The following MICAL2 variants were observed in gnomAD, a reference collection of about 807,000 sequenced individuals.
MICAL2 encodes microtubule associated monooxygenase, calponin and LIM domain containing 2.
MICAL2 carries 77 observed loss-of-function variants against 127.3 expected under a neutral mutation model. The ratio of observed to expected loss-of-function variants is 0.60; its 90% CI spans 0.50 to 0.73. MICAL2 has a LOEUF of 0.73. Ranked by LOEUF, MICAL2 falls within the 30% of genes least tolerant of loss-of-function variation. The probability of loss-of-function intolerance (pLI) is 0.00; values close to 1 mark genes in which losing one functional copy is unlikely to be tolerated. For missense variants in MICAL2, 1,351 were observed against 1,434.4 expected (o/e 0.94, Z 0.94); for synonymous variants, 570 against 551.1 (o/e 1.03, Z -0.48).
exon 34 of MICAL2, chr11:12,354,844 A>G: frequency 6.2e-7 from 1 of 1,613,936 alleles, no homozygotes; most frequent in South Asian, 1.1e-5. Flanking sequence ...TGAGAGAGAA[A>G]ATGCTCAAGG....
chr11:12,290,616 G>A (rs1490443086), downstream of MICAL2, among the ~76,000 whole-genome samples: 3 of 152,200 alleles, frequency 2.0e-5, no homozygotes, highest in Non-Finnish European at 2.9e-5. Flanking sequence ...GCTGCGATGG[G>A]GGTGCGGTAG....
downstream of MICAL2, among the ~76,000 whole-genome samples, chr11:12,266,621 A>C (rs1165763457): frequency 1.3e-5 from 2 of 152,238 alleles, no homozygotes; most frequent in African/African-American, 4.8e-5. Flanking sequence ...GATGTTAAAG[A>C]AGCTCCTGAT....
At chr11:12,260,393 C>G in intron 26 of MICAL2, 1 of 1,262,292 alleles carries the variant, frequency 7.9e-7, no homozygotes, top group Non-Finnish European at 9.9e-7. Flanking sequence ...TTTTCTATAG[C>G]TTTGTGAGCC....
intron 2 of MICAL2, among the ~76,000 whole-genome samples, chr11:12,284,073 C>G (rs1339777735): frequency 6.6e-6 from 1 of 152,094 alleles, no homozygotes; most frequent in East Asian, 1.9e-4. Flanking sequence ...TTGTGGAAGG[C>G]CTTCCTAGAT....
At chr11:12,314,262 C>A (rs1304518034) in intron 29 of MICAL2, among the ~76,000 whole-genome samples, 3 of 151,564 alleles carry the variant, frequency 2.0e-5, no homozygotes, top group Non-Finnish European at 4.4e-5. Flanking sequence ...TCTTTTCTTG[C>A]TTTATTTTTA....
At chr11:12,260,200 A>C (rs1442882589) in intron 26 of MICAL2, 1 of 1,474,144 alleles carries the variant, frequency 6.8e-7, no homozygotes, top group African/African-American at 1.4e-5. Flanking sequence ...AAGTGCCTTC[A>C]CATTTCCAGG....
At chr11:12,218,021 A>C (rs1856398194) in intron 8 of MICAL2, among the ~76,000 whole-genome samples, 1 of 152,076 alleles carries the variant, frequency 6.6e-6, no homozygotes, top group Non-Finnish European at 1.5e-5. Context: ...CTCTCCCTAC[A>C]TGGATCCATA....
intron 10 of MICAL2, 22 bp downstream of exon 10, chr11:12,221,781 C>T (rs571065654): frequency 8.8e-6 from 14 of 1,597,890 alleles, no homozygotes; most frequent in Non-Finnish European, 1.0e-5. Flanking sequence ...CAGTAGGGCT[C>T]CTAACTGGGG....
chr11:12,222,632 G>C lies in MICAL2; in HGVS notation c.1338G>C (p.Arg446=), dbSNP rs781161866. ...CTCCCTCCAGGGAAAGTCTCTACCG[G>C]CTGTTACCTCAGACAACCCCGGAGA... The part of the protein sequence containing the change: ...ELLAERESLY[R]LLPQTTPENI... The change falls in exon 11 of 28, where the codon CGG becomes CGC. Residue 446 remains arginine, a synonymous_variant. Coordinates refer to ENST00000683283, the MANE Select transcript of MICAL2 (RefSeq NM_001282663.2). 3 of 1,614,092 alleles carry C rather than the reference G, an allele frequency of 1.9e-6. No individual in the cohort carries two copies. The highest frequency in any genetic ancestry group is 2.5e-6 in the Non-Finnish European group (3 of 1,180,058).
chr11:12,155,190 GA>G (rs1379448704), intron 2 of MICAL2, among the ~76,000 whole-genome samples: 3 of 152,232 alleles, frequency 2.0e-5, no homozygotes, highest in African/African-American at 7.2e-5. Flanking sequence ...GGTCCTTGAA[GA>G]GAGACAGAGC....
At chr11:12,273,321 A>G (rs914310898), upstream of MICAL2, among the ~76,000 whole-genome samples, 3 of 152,230 alleles carry the variant, frequency 2.0e-5, no homozygotes, top group Admixed American at 1.3e-4. Context: ...TGAGCACCCA[A>G]TAAAAGTAAG....
At chr11:12,138,723 C>A (rs1360416014) in intron 2 of MICAL2, among the ~76,000 whole-genome samples, 1 of 152,228 alleles carries the variant, frequency 6.6e-6, no homozygotes, top group Non-Finnish European at 1.5e-5. Context: ...AGGAACCAGA[C>A]TCCCGCCTTC....
downstream of MICAL2, among the ~76,000 whole-genome samples, chr11:12,265,742 T>C (rs1416493541): frequency 6.6e-6 from 1 of 152,202 alleles, no homozygotes; most frequent in Non-Finnish European, 1.5e-5. Flanking sequence ...TTAAGCAAAT[T>C]TTAAAAGTAA....
chr11:12,237,196 G>C (rs548358351), intron 16 of MICAL2, among the ~76,000 whole-genome samples: 1 of 152,142 alleles, frequency 6.6e-6, no homozygotes, highest in East Asian at 1.9e-4. Flanking sequence ...AAAGGGAAGC[G>C]CTGACAAAGA....
intron 1 of MICAL2, among the ~76,000 whole-genome samples, chr11:12,129,162 T>A (rs547829947): frequency 1.1e-3 from 166 of 152,268 alleles, no homozygotes; most frequent in Non-Finnish European, 2.1e-3. Context: ...CCTGAAGACT[T>A]GTGCCTTGTC....
In MICAL2 at chr11:12,319,578, A is replaced by AGG. The variant is rs1864268634; in HGVS notation, c.5213-115_5213-114dup. On this transcript the variant is annotated intron_variant, in intron 29 of 34. Coordinates refer to the MICAL2 transcript ENST00000646065. Reference sequence around the variant, plus strand: ...CCTCATGCTCACGGCAGGTGCAGTGAGGGGAGGGCAGGGAGGAAGGGAATG... The same window carrying AGG: ...CCTCATGCTCACGGCAGGTGCAGTGAGGGGGGAGGGCAGGGAGGAAGGGAATG... The AGG allele has an allele frequency of 2.8e-5, 20 of 713,650 alleles. 1 individual carries two copies. The Middle Eastern group carries it at 4.4e-3, about 157-fold the overall frequency. The allele number at this position is 713,650 out of a possible 1,614,324, so 44.2% of individuals were successfully genotyped here. A position where few individuals can be genotyped will look rare whatever the true frequency, so the allele number is the denominator to read the frequency against.
chr11:12,151,807 T>A (rs61875197), intron 2 of MICAL2, among the ~76,000 whole-genome samples: 31,642 of 152,030 alleles, frequency 0.21, 3,959 homozygotes, highest in Admixed American at 0.37. Context: ...TCACAGCTGC[T>A]AGCAAGGGTC....
At chr11:12,283,003 G>A (rs879611027) in intron 2 of MICAL2, among the ~76,000 whole-genome samples, 23 of 152,118 alleles carry the variant, frequency 1.5e-4, no homozygotes, top group Non-Finnish European at 3.2e-4. Flanking sequence ...CCAGTTTAAC[G>A]CCAGAATAAA....
intron 32 of MICAL2, among the ~76,000 whole-genome samples, chr11:12,331,379 C>A (rs1034133078): frequency 6.6e-6 from 1 of 152,142 alleles, no homozygotes; most frequent in African/African-American, 2.4e-5. Flanking sequence ...TAGTTGTCTG[C>A]ATGGAGCTTC....
Sources: gnomAD v4.1 joint callset for allele counts (sites outside exome capture counted in the v4.1 genomes callset) on GRCh38, gnomAD v4.1.1 for gene constraint, MANE v1.5 for transcripts, NCBI Gene and HGNC (gene_info 2026-07-23, HGNC 2026-07-21) for gene names.